PTBP3: variants seen among roughly 807,000 people sequenced by gnomAD.
PTBP3 encodes polypyrimidine tract binding protein 3.
A neutral mutation model predicts 58.7 loss-of-function variants in PTBP3; 20 were observed. The ratio of observed to expected loss-of-function variants is 0.34; its 90% CI spans 0.24 to 0.50. The LOEUF is 0.50. Among genes scored for constraint, PTBP3 ranks in the 20% least tolerant of loss-of-function variants. The pLI is 0.98. For missense variants in PTBP3, 509 were observed against 637.2 expected, an observed-to-expected ratio of 0.80 and a Z score of 2.17; for synonymous variants, 185 against 219.8, an observed-to-expected ratio of 0.84 and a Z score of 1.40.
chr9:112,307,179 G>A (rs767716214), intron 1 of PTBP3, among the ~76,000 whole-genome samples: 6 of 152,126 alleles, frequency 3.9e-5, no homozygotes, highest in African/African-American at 7.2e-5. Context: ...TTTGCCAGGC[G>A]CGGTGGCTCA....
intron 1 of PTBP3, among the ~76,000 whole-genome samples, chr9:112,324,647 CT>C (rs199638020): frequency 1.6e-3 from 212 of 131,980 alleles, no homozygotes; most frequent in East Asian, 7.7e-3. Context: ...GAGACTACCT[CT>C]TTTTTTTTTT....
At chr9:112,367,179 A>G in the PTBP3 span, among the ~76,000 whole-genome samples, 1 of 152,230 alleles carries the variant, frequency 6.6e-6, no homozygotes, top group African/African-American at 2.4e-5. Context: ...TTGTCTATCC[A>G]TGACCAAATT....
intron 4 of PTBP3, among the ~76,000 whole-genome samples, chr9:112,267,673 T>G (rs758995710): frequency 3.8e-4 from 58 of 152,188 alleles, no homozygotes; most frequent in Non-Finnish European, 3.2e-4. Flanking sequence ...TTCTAAAAAT[T>G]TTTTATTAAG....
Position 112,220,217 on chromosome 9 carries a change from G to A in PTBP3, c.*3634C>T. The A allele has an allele frequency of 1.5e-6, 2 of 1,347,508 alleles. No homozygotes were observed. The highest frequency in any genetic ancestry group is 2.1e-4 in the Middle Eastern group (1 of 4,762). 83.5% of individuals were successfully genotyped at this position (1,347,508 alleles called of 1,614,324 possible). A position where few individuals can be genotyped will look rare whatever the true frequency, so the allele number is the denominator to read the frequency against. The stretch of plus-strand genomic sequence containing the variant: ...ATCTCGTGGGAACAGAAGAGAAACT[G>A]CATGACAATATGCTAAACATGTAAG... On this transcript the variant is annotated 3_prime_UTR_variant, in exon 14 of 14. Coordinates refer to ENST00000374257, the MANE Select transcript of PTBP3 (RefSeq NM_001163788.4).
Position 112,220,005 on chromosome 9 carries a change from T to A in PTBP3, c.*3846A>T, listed in dbSNP as rs1589785104. 1.1e-6 allele frequency: 1 copy of A among 886,520 alleles called. No homozygotes were observed. Among genetic ancestry groups the A allele is most frequent in the Non-Finnish European group, 1.4e-6 (1 of 693,936 alleles). 54.9% of individuals were successfully genotyped at this position (886,520 alleles called of 1,614,324 possible). A position where few individuals can be genotyped will look rare whatever the true frequency, so the allele number is the denominator to read the frequency against. On this transcript the variant is annotated 3_prime_UTR_variant, in exon 14 of 14. Coordinates refer to ENST00000374257, the MANE Select transcript of PTBP3 (RefSeq NM_001163788.4). Reference sequence around the variant, plus strand: ...AATTGTATTTCTTTCAGCACAATAGTAGAGTATTTTGAGTCTGGCAGTTTT... The same window carrying A: ...AATTGTATTTCTTTCAGCACAATAGAAGAGTATTTTGAGTCTGGCAGTTTT...
At chr9:112,316,101 A>G (rs940831612) in intron 1 of PTBP3, among the ~76,000 whole-genome samples, 3 of 152,220 alleles carry the variant, frequency 2.0e-5, no homozygotes, top group Non-Finnish European at 4.4e-5. Flanking sequence ...ACCATCTAGT[A>G]AAGTTAAGCA....
chr9:112,319,144 AG>A (rs67977131), intron 1 of PTBP3, among the ~76,000 whole-genome samples: 34,303 of 137,068 alleles, frequency 0.25, 6,233 homozygotes, highest in South Asian at 0.4. Flanking sequence ...AAAAAAAAAA[AG>A]AAAGAAAATT....
chr9:112,324,653 T>TTG lies in PTBP3; in HGVS notation c.-52+8816_-52+8817insCA, dbSNP rs1830087639. Reference sequence around the variant, plus strand: ...TGACAGAGCGAGACTACCTCTTTTTTTTTTTTTTAAAAAAAAACAACTTTA... The same window carrying TTG: ...TGACAGAGCGAGACTACCTCTTTTTTTGTTTTTTTTAAAAAAAAACAACTTTA... On this transcript the variant is annotated intron_variant, in intron 1 of 13. Coordinates refer to ENST00000374257, the MANE Select transcript of PTBP3 (RefSeq NM_001163788.4). Among the ~76,000 whole-genome samples, 13 of 138,038 alleles carry TTG rather than the reference T, an allele frequency of 9.4e-5. No homozygotes were observed. The Admixed American group carries it at 9.8e-4, about 10-fold the overall frequency. 90.6% of individuals were successfully genotyped at this position (138,038 alleles called of 152,430 possible). A position where few individuals can be genotyped will look rare whatever the true frequency, so the allele number is the denominator to read the frequency against.
At chr9:112,332,842 A>ATGGT in intron 1 of PTBP3, 1 of 1,612,494 alleles carries the variant, frequency 6.2e-7, no homozygotes, top group Non-Finnish European at 8.5e-7. Context: ...GGAAGCGTCC[A>ATGGT]TGGTCACTAA....
chr9:112,378,506 T>G, the PTBP3 span, among the ~76,000 whole-genome samples: 1 of 152,308 alleles, frequency 6.6e-6, no homozygotes, highest in East Asian at 1.9e-4. Context: ...GGAGAGAACA[T>G]TTTAGATGAT....
chr9:112,278,693 C>A (rs1381497649), intron 2 of PTBP3, among the ~76,000 whole-genome samples: 1 of 152,182 alleles, frequency 6.6e-6, no homozygotes, highest in African/African-American at 2.4e-5. Flanking sequence ...TTATAAAATA[C>A]CTGGGCTATG....
the PTBP3 span, among the ~76,000 whole-genome samples, chr9:112,367,843 TG>T: frequency 1.3e-5 from 2 of 152,200 alleles, no homozygotes; most frequent in African/African-American, 4.8e-5. Flanking sequence ...CTTCCCAATT[TG>T]GGGAGTTTTC....
chr9:112,377,389 T>A, the PTBP3 span, among the ~76,000 whole-genome samples: 2 of 152,232 alleles, frequency 1.3e-5, no homozygotes, highest in Middle Eastern at 3.4e-3. Context: ...TACTAGACTG[T>A]CTTAGTATTT....
chr9:112,330,499 A>C (rs756825974), intron 1 of PTBP3: 2 of 1,488,272 alleles, frequency 1.3e-6, no homozygotes, highest in Admixed American at 4.1e-5. Context: ...TAAAAAGAGA[A>C]AATGGAAAAC....
At chr9:112,378,322 T>C in the PTBP3 span, among the ~76,000 whole-genome samples, 9 of 152,344 alleles carry the variant, frequency 5.9e-5, no homozygotes, top group African/African-American at 2.2e-4. Context: ...ATAAAAATAG[T>C]GTAAGTACAG....
chr9:112,310,950 G>C (rs1829448956), intron 1 of PTBP3, among the ~76,000 whole-genome samples: 1 of 152,224 alleles, frequency 6.6e-6, no homozygotes, highest in Non-Finnish European at 1.5e-5. Context: ...AAAGAGATTA[G>C]AGAGAAGGTG....
At chr9:112,287,243 A>G (rs1223162005) in intron 2 of PTBP3, among the ~76,000 whole-genome samples, 1 of 141,132 alleles carries the variant, frequency 7.1e-6, no homozygotes, top group Non-Finnish European at 1.5e-5. Context: ...TGCCCCAACC[A>G]TTTTTTTCAG....
the PTBP3 span, among the ~76,000 whole-genome samples, chr9:112,363,831 A>AAT: frequency 1.3e-5 from 2 of 152,250 alleles, no homozygotes; most frequent in African/African-American, 4.8e-5. Context: ...TGATATAATC[A>AAT]ATAAACCAAC....
At chr9:112,269,196 CAAAA>C (rs5899997) in intron 3 of PTBP3, among the ~76,000 whole-genome samples, 4,519 of 91,336 alleles carry the variant, frequency 0.049, 141 homozygotes, top group African/African-American at 0.14. Flanking sequence ...AACTCTGTCT[CAAAA>C]AAAAAAAAAA....
Sources: allele counts gnomAD v4.1 joint callset (sites outside exome capture counted in the v4.1 genomes callset), GRCh38; gene constraint gnomAD v4.1.1; transcripts MANE v1.5; gene names NCBI Gene and HGNC (gene_info 2026-07-23, HGNC 2026-07-21).